KLHL14: variants seen among roughly 807,000 people sequenced by gnomAD.
KLHL14 encodes kelch like family member 14.
In KLHL14, 22 loss-of-function variants were observed where a neutral mutation model predicts 64.3. The observed-to-expected ratio is 0.34, with a 90% CI of 0.24 to 0.49. KLHL14 has a LOEUF of 0.49. Among genes scored for constraint, KLHL14 ranks in the 20% least tolerant of loss-of-function variants. The pLI, the probability that KLHL14 is intolerant of heterozygous loss-of-function variation, is 0.99. For synonymous variants in KLHL14, 322 were observed against 333.4 expected, an observed-to-expected ratio of 0.97 and a Z score of 0.37; for missense variants, 661 against 789.0, an observed-to-expected ratio of 0.84 and a Z score of 1.94.
intron 3 of KLHL14, among the ~76,000 whole-genome samples, chr18:32,707,038 T>C (rs1386192402): frequency 2.0e-5 from 3 of 152,164 alleles, no homozygotes; most frequent in Non-Finnish European, 4.4e-5. Flanking sequence ...TGGCCAGAGC[T>C]GTTTTGAAAG....
At chr18:32,693,413 C>CACACACACACACACACACAG (rs1229737083) in intron 4 of KLHL14, among the ~76,000 whole-genome samples, 3 of 97,018 alleles carry the variant, frequency 3.1e-5, no homozygotes, top group African/African-American at 1.5e-4. Flanking sequence ...CACACACACA[C>CACACACACACACACACACAG]AGAGAGAGAG....
At chr18:32,730,697 A>C (rs533601412) in intron 3 of KLHL14, among the ~76,000 whole-genome samples, 1 of 152,338 alleles carries the variant, frequency 6.6e-6, no homozygotes, top group South Asian at 2.1e-4. Flanking sequence ...AATGAAAGTG[A>C]AAGTGATACA....
In KLHL14 at chr18:32,680,552, A is replaced by G. The variant is rs757247031; in HGVS notation, c.1286T>C (p.Ile429Thr). 5 of 1,613,544 alleles carry G rather than the reference A, an allele frequency of 3.1e-6. No homozygotes were observed. The highest frequency in any genetic ancestry group is 4.2e-6 in the Non-Finnish European group (5 of 1,179,806). ...GTAGCCAGTTTCATTCCTTCCACCA[A>G]TTACGTATAAATGCTTGTCCAACCG... ...ACRLDKHLYVIGGRNETGYLS... is the reference protein window; with the variant it reads ...ACRLDKHLYVTGGRNETGYLS... Residue 429 changes from isoleucine to threonine, a missense_variant, in exon 6 of 9, where the codon ATT becomes ACT. Transcript: ENST00000359358. This position sits in a 1 kb window ranked among gnomAD's most constrained non-coding sequence, Gnocchi z 4.8.
At chr18:32,679,023 C>T (rs2049824862) in intron 7 of KLHL14, among the ~76,000 whole-genome samples, 1 of 152,022 alleles carries the variant, frequency 6.6e-6, no homozygotes, top group Admixed American at 6.6e-5. Context: ...TGGTGTGTGG[C>T]TTGAAATGAA....
rs778112314 is a variant in KLHL14, at chr18:32,742,047, A to G, written c.950T>C (p.Ile317Thr). The G allele has an allele frequency of 1.9e-6, 3 of 1,612,424 alleles. No homozygotes were observed. In the East Asian group the frequency reaches 6.7e-5, roughly 36 times the overall value. ...QHCRQSLASRIRSNKKMLLLV... is the reference protein window; with the variant it reads ...QHCRQSLASRTRSNKKMLLLV... ...TAACAGCATTTTCTTGTTAGAGCGA[A>G]TTCTTCACCCAAAACAAAAGAGGAG... is the stretch of plus-strand genomic sequence containing the variant. The change falls in exon 3 of 9, where the codon ATT becomes ACT. Residue 317 changes from isoleucine (I) to threonine (T), a missense_variant and splice_region_variant. By Grantham distance (89) the Ile-to-Thr change is moderately conservative. Transcript: ENST00000359358.
rs1023763792 is a variant in KLHL14, at chr18:32,680,070, A to G, written c.1588+99T>C. 8.4e-7 allele frequency: 1 copy of G among 1,196,790 alleles called. No individual in the cohort carries two copies. Among genetic ancestry groups the G allele is most frequent in the Non-Finnish European group, 1.2e-6 (1 of 863,008 alleles). The allele number at this position is 1,196,790 out of a possible 1,614,324, so 74.1% of individuals were successfully genotyped here. A position where few individuals can be genotyped will look rare whatever the true frequency, so the allele number is the denominator to read the frequency against. ...ATTTTATTAGGTCAACATGTTTTTT[A>G]CTTGGTTAACTATGATTATCTAAGG... On this transcript the variant is annotated intron_variant, in intron 7 of 8. Coordinates refer to ENST00000359358, the MANE Select transcript of KLHL14 (RefSeq NM_020805.3). The surrounding 1 kb of genome is among the most constrained non-coding windows in gnomAD (Gnocchi z 4.8).
In KLHL14 at chr18:32,770,241, G is replaced by A; in HGVS notation, c.351C>T (p.Thr117=). The A allele has an allele frequency of 2.5e-6, 4 of 1,600,864 alleles. No individual in the cohort carries two copies. The highest frequency in any genetic ancestry group is 3.4e-6 in the Non-Finnish European group (4 of 1,171,320). ...PSSSPDDKLL[T]SPRAINNLVL... ...CCAGGTTGTTGATGGCCCGGGGGCT[G>A]GTCAGCAGCTTGTCGTCGGGGGAGG... Residue 117 remains threonine (T), a synonymous_variant, in exon 2 of 9, where the codon ACC becomes ACT. Transcript: ENST00000359358. This position sits in a 1 kb window ranked among gnomAD's most constrained non-coding sequence, Gnocchi z 6.7.
chr18:32,698,287 C>CAT (rs1336277580), intron 3 of KLHL14, among the ~76,000 whole-genome samples: 5 of 152,136 alleles, frequency 3.3e-5, no homozygotes, highest in Admixed American at 3.3e-4. Context: ...CCCTCGCAAG[C>CAT]AGATAGTGGG....
At chr18:32,730,301 G>T (rs1382905982) in intron 3 of KLHL14, among the ~76,000 whole-genome samples, 1 of 152,194 alleles carries the variant, frequency 6.6e-6, no homozygotes, top group Admixed American at 6.5e-5. Flanking sequence ...CGTGAGCTAT[G>T]ATCTCTCTCC....
At chr18:32,733,346 T>TG (rs914788171) in intron 3 of KLHL14, among the ~76,000 whole-genome samples, 27 of 149,678 alleles carry the variant, frequency 1.8e-4, no homozygotes, top group African/African-American at 6.7e-4. Context: ...ATGGTGGTGG[T>TG]GTGTGTGTGT....
In KLHL14 at chr18:32,690,827, G is replaced by T. The variant is rs563761956; in HGVS notation, c.1160-3594C>A. 3.3e-5 allele frequency among the ~76,000 whole-genome samples: 5 copies of T among 152,304 alleles called. No individual in the cohort carries two copies. In the South Asian group the frequency reaches 1.0e-3, roughly 32 times the overall value. ...ATTTAAGGATTATAGATATTTTGCT[G>T]ATGTGAGATCATGAGTTATAGGAAT... On this transcript the variant is annotated intron_variant, in intron 4 of 8. Transcript: ENST00000359358.
intron 5 of KLHL14, among the ~76,000 whole-genome samples, chr18:32,686,127 TCAGCCTC>T (rs1181270367): frequency 6.7e-6 from 1 of 149,932 alleles, no homozygotes; most frequent in Non-Finnish European, 1.5e-5. Context: ...TTCTCCTGCC[TCAGCCTC>T]CCAGGTAGCT....
intron 3 of KLHL14, among the ~76,000 whole-genome samples, chr18:32,723,031 A>C (rs1265201404): frequency 1.3e-5 from 2 of 151,862 alleles, no homozygotes; most frequent in African/African-American, 4.8e-5. Flanking sequence ...ATAGGATAAC[A>C]CTGGTTTGCT....
At chr18:32,754,779 G>A (rs2050273193) in intron 2 of KLHL14, among the ~76,000 whole-genome samples, 1 of 152,192 alleles carries the variant, frequency 6.6e-6, no homozygotes, top group Non-Finnish European at 1.5e-5. Flanking sequence ...TAACAGGATA[G>A]ATTTCTCCAG....
At chr18:32,712,883 C>T (rs182560481) in intron 3 of KLHL14, among the ~76,000 whole-genome samples, 23 of 152,246 alleles carry the variant, frequency 1.5e-4, no homozygotes, top group Non-Finnish European at 2.8e-4. Flanking sequence ...TAGTAGATCA[C>T]GCCTTCAAAT....
chr18:32,748,735 C>T (rs1264605616), intron 2 of KLHL14, among the ~76,000 whole-genome samples: 1 of 151,978 alleles, frequency 6.6e-6, no homozygotes, highest in East Asian at 1.9e-4. Context: ...AGTGATCCCC[C>T]GACCTCGGTC....
intron 7 of KLHL14, among the ~76,000 whole-genome samples, chr18:32,678,703 C>T (rs556173714): frequency 2.0e-5 from 3 of 152,234 alleles, no homozygotes; most frequent in African/African-American, 7.2e-5. Context: ...CCTTTACAGA[C>T]ATGAGGTTAA....
intron 3 of KLHL14, among the ~76,000 whole-genome samples, chr18:32,697,062 G>A (rs913952768): frequency 1.3e-5 from 2 of 152,134 alleles, no homozygotes; most frequent in South Asian, 2.1e-4. Context: ...AGTGGTTTGC[G>A]CGGTCCATGA....
intron 3 of KLHL14, among the ~76,000 whole-genome samples, chr18:32,699,956 A>G (rs898274666): frequency 4.6e-5 from 7 of 151,634 alleles, no homozygotes; most frequent in African/African-American, 1.7e-4. Context: ...CAGTAAGGAC[A>G]TATTTCAACC....
Sources: gnomAD v4.1 joint callset for allele counts (sites outside exome capture counted in the v4.1 genomes callset) on GRCh38, gnomAD v4.1.1 for gene constraint, Gnocchi (gnomAD v3.1) non-coding constraint, MANE v1.5 for transcripts, NCBI Gene and HGNC (gene_info 2026-07-23, HGNC 2026-07-21) for gene names.